Variants in DDIAS observed in about 807,000 individuals in gnomAD.
DDIAS encodes the protein DNA damage induced apoptosis suppressor, also known as DNA damage-induced apoptosis suppressor protein.
In DDIAS, 14 loss-of-function variants were observed where a neutral mutation model predicts 15.7. The ratio of observed to expected loss-of-function variants is 0.89; its 90% confidence interval spans 0.59 to 1.39. DDIAS has a LOEUF of 1.39. DDIAS is among the 40% of genes most tolerant of loss of function. The probability of loss-of-function intolerance (pLI) is 0.00; values close to 1 mark genes in which losing one functional copy is unlikely to be tolerated. For synonymous variants in DDIAS, 355 were observed against 395.9 expected, an observed-to-expected ratio of 0.90 and a Z score of 1.23; for missense variants, 1,035 against 1,130.9, an observed-to-expected ratio of 0.92 and a Z score of 1.22.
At chr11:82,924,580 A>G (rs901082977) in intron 3 of DDIAS, among the ~76,000 whole-genome samples, 15 of 152,360 alleles carry the variant, frequency 9.8e-5, no homozygotes, top group Middle Eastern at 3.4e-3. Flanking sequence ...TTGGGAGGCC[A>G]AGATGGGAGG....
chr11:82,916,766 A>T (rs1860639983), intron 3 of DDIAS, among the ~76,000 whole-genome samples: 1 of 152,150 alleles, frequency 6.6e-6, no homozygotes. Flanking sequence ...TATGAAGTGA[A>T]TGCTATTGTT....
chr11:82,910,609 T>C (rs1391851076), intron 1 of DDIAS, among the ~76,000 whole-genome samples: 746 of 35,912 alleles, frequency 0.021, 4 homozygotes, highest in African/African-American at 0.096. Flanking sequence ...TCTCTCTCTT[T>C]TTTTTTTTTT....
At chr11:82,907,295 A>G (rs995102002) in intron 1 of DDIAS, among the ~76,000 whole-genome samples, 1 of 152,234 alleles carries the variant, frequency 6.6e-6, no homozygotes, top group African/African-American at 2.4e-5. Context: ...AGTTAAGAGA[A>G]TAGGCATTAG....
chr11:82,914,766 G>A lies in DDIAS; in HGVS notation c.28G>A (p.Ala10Thr). Reference protein sequence around the residue: MNRRRKFLLASVLALQNSSF... With the variant: MNRRRKFLLTSVLALQNSSF... ...GAACAGAAGACGAAAATTTCTTCTA[G>A]CCTCAGTACTTGCTCTCCAGAATTC... The change falls in exon 3 of 6, where the codon GCC becomes ACC. Residue 10 changes from alanine (A) to threonine (T), a missense_variant. Transcript: ENST00000533655. The A allele has an allele frequency of 1.9e-6, 3 of 1,609,628 alleles. No individual in the cohort carries two copies. In the South Asian group the frequency reaches 3.3e-5, roughly 18 times the overall value.
At chr11:82,931,424 T>C (rs1860982127) in intron 5 of DDIAS, among the ~76,000 whole-genome samples, 1 of 152,188 alleles carries the variant, frequency 6.6e-6, no homozygotes. Flanking sequence ...AGATCATGGC[T>C]CACTGCAGCC....
At chr11:82,922,476 T>TA (rs1860773665) in intron 3 of DDIAS, 1 of 152,210 alleles carries the variant, frequency 6.6e-6, no homozygotes, top group African/African-American at 2.4e-5. Flanking sequence ...GCTGTGAATT[T>TA]CTTTCTTCTA....
intron 1 of DDIAS, among the ~76,000 whole-genome samples, chr11:82,910,606 CTTTTT>C (rs869173859): frequency 1.4e-3 from 122 of 89,102 alleles, no homozygotes; most frequent in East Asian, 5.8e-3. Flanking sequence ...CTCTCTCTCT[CTTTTT>C]TTTTTTTTTT....
At chr11:82,914,005 C>T (rs916994240) in intron 2 of DDIAS, 5 of 418,192 alleles carry the variant, frequency 1.2e-5, no homozygotes, top group East Asian at 7.4e-5. Flanking sequence ...GGTGCAATCT[C>T]GGCTCACTGC....
chr11:82,913,194 T>C (rs1345796297), intron 1 of DDIAS, 93 bp from the exon 2 acceptor site: 6 of 152,202 alleles, frequency 3.9e-5, no homozygotes, highest in Non-Finnish European at 7.3e-5. Flanking sequence ...AAAAATGTAA[T>C]ATCTGTGAAG....
chr11:82,934,453 G>T lies in DDIAS; in HGVS notation c.*118G>T, dbSNP rs1861078172. The T allele has an allele frequency of 3.9e-6, 4 of 1,035,718 alleles. No homozygotes were observed. The South Asian group carries it at 5.5e-5, about 14-fold the overall frequency. 64.2% of individuals were successfully genotyped at this position (1,035,718 alleles called of 1,614,324 possible). On this transcript the variant is annotated 3_prime_UTR_variant, in exon 6 of 6. Coordinates refer to ENST00000533655, the MANE Select transcript of DDIAS (RefSeq NM_145018.4). ...TTGGAGAGAAGCAAATTGAAAACAGGACTCTGCTGGGAGCTACTGTGCCTT... is the reference window on the plus strand; with the variant it reads ...TTGGAGAGAAGCAAATTGAAAACAGTACTCTGCTGGGAGCTACTGTGCCTT...
intron 3 of DDIAS, among the ~76,000 whole-genome samples, chr11:82,925,911 CCA>C (rs1440463561): frequency 6.6e-6 from 1 of 151,776 alleles, no homozygotes; most frequent in African/African-American, 2.4e-5. Context: ...TCGCCTGAAC[CCA>C]AGAGGTGGAG....
At chr11:82,905,415 T>C (rs1860407724) in intron 1 of DDIAS, among the ~76,000 whole-genome samples, 1 of 152,196 alleles carries the variant, frequency 6.6e-6, no homozygotes. Context: ...AGATTGTATT[T>C]ATTGATTTTT....
intron 3 of DDIAS, among the ~76,000 whole-genome samples, chr11:82,915,135 G>C (rs1337818790): frequency 6.6e-6 from 1 of 152,086 alleles, no homozygotes; most frequent in Non-Finnish European, 1.5e-5. Flanking sequence ...CCCATTTCTG[G>C]GATATCCCTG....
chr11:82,910,548 G>A (rs1183252111), intron 1 of DDIAS, among the ~76,000 whole-genome samples: 1 of 150,098 alleles, frequency 6.7e-6, no homozygotes, highest in East Asian at 2.0e-4. Flanking sequence ...TGGGATTATA[G>A]GCGTGAGCTA....
chr11:82,929,625 A>AC (rs1242993226), intron 4 of DDIAS, among the ~76,000 whole-genome samples: 1 of 148,490 alleles, frequency 6.7e-6, no homozygotes, highest in African/African-American at 2.5e-5. Context: ...AATGGCATGA[A>AC]CCCAGGAGGC....
At chr11:82,928,739 A>C in intron 3 of DDIAS, 38 bp from the exon 4 acceptor site, 1 of 1,597,442 alleles carries the variant, frequency 6.3e-7, no homozygotes, top group Non-Finnish European at 8.5e-7. Context: ...AAAAACATTT[A>C]ATGAACATCT....
At chr11:82,919,178 C>G (rs1023199689) in intron 3 of DDIAS, among the ~76,000 whole-genome samples, 3 of 152,118 alleles carry the variant, frequency 2.0e-5, no homozygotes, top group Non-Finnish European at 4.4e-5. Flanking sequence ...TGTTCCAATT[C>G]TCAGAGGGAA....
chr11:82,930,275 G>T lies in DDIAS; in HGVS notation c.393+1G>T. ...ACAAAGCTTTATTTTTGGAGTGACG[G>T]TAATTGAGACTAGCTTTCTTTTTAA... On this transcript the variant is annotated splice_donor_variant, in intron 5 of 5. Transcript: ENST00000533655. LOFTEE classifies it high-confidence loss of function. The T allele has an allele frequency of 6.6e-7, 1 of 1,511,016 alleles. No homozygotes were observed. The highest frequency in any genetic ancestry group is 9.1e-7 in the Non-Finnish European group (1 of 1,098,276). 93.6% of individuals were successfully genotyped at this position (1,511,016 alleles called of 1,614,324 possible). A position where few individuals can be genotyped will look rare whatever the true frequency, so the allele number is the denominator to read the frequency against.
Position 82,932,701 on chromosome 11 carries a change from C to G in DDIAS, c.1363C>G (p.His455Asp). The G allele has an allele frequency of 6.2e-7, 1 of 1,614,050 alleles. No homozygotes were observed. Among genetic ancestry groups the G allele is most frequent in the South Asian group, 1.1e-5 (1 of 91,088 alleles). Residue 455 changes from histidine to aspartate, a missense_variant, in exon 6 of 6, where the codon CAT (histidine) becomes GAT (aspartate). Transcript: ENST00000533655. ...HHVDNDIDKF[H>D]ADHSRLSVTP... ...TGTAGATAATGACATTGATAAATTT[C>G]ATGCAGACCACAGCAGGTTATCTGT...
Sources: gnomAD v4.1 joint callset for allele counts (sites outside exome capture counted in the v4.1 genomes callset) on GRCh38, gnomAD v4.1.1 for gene constraint, MANE v1.5 for transcripts, NCBI Gene and HGNC (gene_info 2026-07-23, HGNC 2026-07-21) for gene names.